The following CSTF1 variants were observed in gnomAD, a reference collection of about 807,000 sequenced individuals.
CSTF1 encodes cleavage stimulation factor subunit 1.
A neutral mutation model predicts 40.9 loss-of-function variants in CSTF1; 2 were observed. The observed-to-expected ratio is 0.05, with a 90% CI of 0.02 to 0.15. CSTF1 has a LOEUF of 0.15. Among genes scored for constraint, CSTF1 ranks in the 10% least tolerant of loss-of-function variants. The pLI is 1.00. For missense variants in CSTF1, 279 were observed against 558.9 expected, an observed-to-expected ratio of 0.50 and a Z score of 5.05; for synonymous variants, 218 against 207.2, an observed-to-expected ratio of 1.05 and a Z score of -0.45.
chr20:56,401,372 G>A, intron 5 of CSTF1, among the ~76,000 whole-genome samples: 1 of 152,102 alleles, frequency 6.6e-6, no homozygotes, highest in East Asian at 1.9e-4. Context: ...ATGAATATGG[G>A]GACCTGGTTT....
chr20:56,403,984 G>T lies in CSTF1; in HGVS notation c.*257G>T. The T allele has an allele frequency of 2.5e-6, 1 of 401,742 alleles. No homozygotes were observed. Among genetic ancestry groups the T allele is most frequent in the Non-Finnish European group, 4.5e-6 (1 of 223,186 alleles). The allele number at this position is 401,742 out of a possible 1,614,324, so 24.9% of individuals were successfully genotyped here. On this transcript the variant is annotated 3_prime_UTR_variant, in exon 6 of 6. Coordinates refer to ENST00000217109, the MANE Select transcript of CSTF1 (RefSeq NM_001324.3). The stretch of plus-strand genomic sequence containing the variant: ...GATTTTCATCGGTTTTGTAAGTACA[G>T]GACTTGCCGTTTCTTTTGATCTCTT...
At position 56,403,756 on chromosome 20, in the gene CSTF1, A is replaced by G. The variant is rs372870703; in HGVS notation, c.*29A>G. On this transcript the variant is annotated 3_prime_UTR_variant, in exon 6 of 6. Transcript: ENST00000217109. ...ACCCTCTCCGTAGGGTTCTTTCTCGAGGACTCTACCCTCCTCCCCCACGTC... is the reference window on the plus strand; with the variant it reads ...ACCCTCTCCGTAGGGTTCTTTCTCGGGGACTCTACCCTCCTCCCCCACGTC... 26 of 1,588,796 alleles carry G rather than the reference A, an allele frequency of 1.6e-5. No homozygotes were observed. In the African/African-American group the frequency reaches 3.1e-4, roughly 19 times the overall value.
rs771856540 is a variant in CSTF1, at chr20:56,398,989, T to C, written c.668T>C (p.Ile223Thr). The change falls in exon 5 of 6, where the codon ATC becomes ACC. Residue 223 changes from isoleucine (I) to threonine (T), a missense_variant. Physicochemically the swap from Ile to Thr is moderately conservative, Grantham distance 89. Coordinates refer to ENST00000217109, the MANE Select transcript of CSTF1 (RefSeq NM_001324.3). ...YIQEAEMLRS[I>T]SFHPSGDFIL... ...CAGGAAGCTGAAATGTTACGTTCCA[T>C]CTCTTTTCATCCTTCTGGAGACTTT... 2.5e-6 allele frequency: 4 copies of C among 1,610,838 alleles called. No individual in the cohort carries two copies. In the East Asian group the frequency reaches 8.9e-5, roughly 36 times the overall value.
Position 56,397,613 on chromosome 20 carries a change from G to A in CSTF1, c.448-31G>A. On this transcript the variant is annotated intron_variant, in intron 3 of 5. Coordinates refer to ENST00000217109, the MANE Select transcript of CSTF1 (RefSeq NM_001324.3). The surrounding 1 kb of genome is among the most constrained non-coding windows in gnomAD (Gnocchi z 4.4). Reference sequence around the variant, plus strand: ...GTGCACTTGGATTCAGACACATTCTGTGCCTTGAGCATCTCTTCTTGTTGG... The same window carrying A: ...GTGCACTTGGATTCAGACACATTCTATGCCTTGAGCATCTCTTCTTGTTGG... The A allele has an allele frequency of 6.2e-7, 1 of 1,609,050 alleles. No homozygotes were observed. The highest frequency in any genetic ancestry group is 1.3e-5 in the African/African-American group (1 of 74,946).
Position 56,406,063 on chromosome 20 carries a change from C to T in CSTF1, c.*2336C>T, listed in dbSNP as rs918398852. 1 of 152,134 alleles carries T rather than the reference C, an allele frequency of 6.6e-6. No homozygotes were observed. Among genetic ancestry groups the T allele is most frequent in the Non-Finnish European group, 1.5e-5 (1 of 68,042 alleles). 9.4% of individuals were successfully genotyped at this position (152,134 alleles called of 1,614,324 possible). On this transcript the variant is annotated 3_prime_UTR_variant, in exon 6 of 6. Coordinates refer to ENST00000217109, the MANE Select transcript of CSTF1 (RefSeq NM_001324.3). ...GTTTCAGGACCTGTTTTTAAAAGAT[C>T]AAGATACTTTTATGTGTTTCAGAAG...
Position 56,403,769 on chromosome 20 carries a change from C to T in CSTF1, c.*42C>T, listed in dbSNP as rs1332711693. The T allele has an allele frequency of 1.3e-6, 2 of 1,567,352 alleles. No homozygotes were observed. Among genetic ancestry groups the T allele is most frequent in the Non-Finnish European group, 1.7e-6 (2 of 1,150,580 alleles). ...GGTTCTTTCTCGAGGACTCTACCCT[C>T]CTCCCCCACGTCCTGTCTCAGCTGC... On this transcript the variant is annotated 3_prime_UTR_variant, in exon 6 of 6. Transcript: ENST00000217109.
chr20:56,400,928 A>G (rs1978422029), intron 5 of CSTF1, among the ~76,000 whole-genome samples: 1 of 152,096 alleles, frequency 6.6e-6, no homozygotes, highest in Non-Finnish European at 1.5e-5. Context: ...AGTCCCAGCT[A>G]CTTGGGAGGC....
upstream of CSTF1, chr20:56,392,464 C>G (rs1393791478): frequency 3.9e-5 from 6 of 152,306 alleles, no homozygotes; most frequent in Non-Finnish European, 8.8e-5. Flanking sequence ...ATCGGTGAAG[C>G]AACAGCCCCT....
In CSTF1 at chr20:56,405,552, T is replaced by G. The variant is rs1978671869; in HGVS notation, c.*1825T>G. On this transcript the variant is annotated 3_prime_UTR_variant, in exon 6 of 6. Coordinates refer to ENST00000217109, the MANE Select transcript of CSTF1 (RefSeq NM_001324.3). The stretch of plus-strand genomic sequence containing the variant: ...GAAGTTATTGCGTAAACATTCTGTT[T>G]TAGTCATCCTTGAGGATCGTTTTAA... 1 of 152,242 alleles carries G rather than the reference T, an allele frequency of 6.6e-6. No individual in the cohort carries two copies. The highest frequency in any genetic ancestry group is 2.4e-5 in the African/African-American group (1 of 41,454). 9.4% of individuals were successfully genotyped at this position (152,242 alleles called of 1,614,324 possible).
At chr20:56,395,398 A>G in intron 1 of CSTF1, 123 bp from the exon 2 acceptor site, 2 of 589,318 alleles carry the variant, frequency 3.4e-6, no homozygotes, top group Non-Finnish European at 5.8e-6. Flanking sequence ...CTGACCAAAG[A>G]TAATGCAGCT....
chr20:56,403,431 G>A, intron 5 of CSTF1, 37 bp from the exon 6 acceptor site: 1 of 1,610,072 alleles, frequency 6.2e-7, no homozygotes, highest in Non-Finnish European at 8.5e-7. Context: ...TCTAAGATGT[G>A]GACTTAGAAA....
At position 56,397,933 on chromosome 20, in the gene CSTF1, C is replaced by G; in HGVS notation, c.645+92C>G. On this transcript the variant is annotated intron_variant, in intron 4 of 5. Transcript: ENST00000217109. The surrounding 1 kb of genome is among the most constrained non-coding windows in gnomAD (Gnocchi z 4.4). ...TCTTTTTAAAAGTAGTCTCAGTGATCATCCTGTAAGATGCGTACAGACCAG... is the reference window on the plus strand; with the variant it reads ...TCTTTTTAAAAGTAGTCTCAGTGATGATCCTGTAAGATGCGTACAGACCAG... 2 of 1,061,698 alleles carry G rather than the reference C, an allele frequency of 1.9e-6. No individual in the cohort carries two copies. Among genetic ancestry groups the G allele is most frequent in the South Asian group, 2.9e-5 (2 of 68,390 alleles). The allele number at this position is 1,061,698 out of a possible 1,614,324, so 65.8% of individuals were successfully genotyped here.
chr20:56,402,592 C>G (rs2146249261), intron 5 of CSTF1, among the ~76,000 whole-genome samples: 1 of 152,206 alleles, frequency 6.6e-6, no homozygotes, highest in East Asian at 1.9e-4. Context: ...AAAGGATGTT[C>G]ATTACAACAT....
rs1327957181 is a variant in CSTF1 at position 56,398,955 on chromosome 20, C to G, written c.646-12C>G. 8.8e-6 allele frequency: 14 copies of G among 1,583,076 alleles called. No individual in the cohort carries two copies. Among genetic ancestry groups the G allele is most frequent in the Non-Finnish European group, 8.6e-6 (10 of 1,163,200 alleles). ...CAGTTGGTCACTTGTATTAATGTCT[C>G]TGTCCCAACAGGAAGCTGAAATGTT... On this transcript the variant is annotated splice_polypyrimidine_tract_variant and intron_variant, in intron 4 of 5. Transcript: ENST00000217109.
intron 1 of CSTF1, among the ~76,000 whole-genome samples, chr20:56,395,285 T>A (rs1366092858): frequency 6.6e-6 from 1 of 152,170 alleles, no homozygotes; most frequent in African/African-American, 2.4e-5. Context: ...CTTGAACAAT[T>A]TCTGTATGCC....
rs1600725222 is a variant in CSTF1 at position 56,392,701 on chromosome 20, A to G, written c.-45A>G. 1 of 151,350 alleles carries G rather than the reference A, an allele frequency of 6.6e-6. No individual in the cohort carries two copies. Among genetic ancestry groups the G allele is most frequent in the Non-Finnish European group, 1.5e-5 (1 of 67,908 alleles). 9.4% of individuals were successfully genotyped at this position (151,350 alleles called of 1,614,324 possible). ...CAGGAGAGAGCGGGATACCAAGAGA[A>G]CCGGACCAGCTGGTACTGGGACACG... On this transcript the variant is annotated 5_prime_UTR_variant, in exon 1 of 6. Transcript: ENST00000217109.
intron 1 of CSTF1, among the ~76,000 whole-genome samples, chr20:56,393,117 A>AAAAT (rs1555858032): frequency 1.3e-5 from 2 of 148,212 alleles, no homozygotes; most frequent in Non-Finnish European, 3.0e-5. Context: ...GGCCACTTAA[A>AAAAT]ATATATATAT....
intron 1 of CSTF1, chr20:56,392,933 G>C (rs1987319925): frequency 1.3e-5 from 2 of 152,152 alleles, no homozygotes; most frequent in African/African-American, 4.8e-5. Flanking sequence ...TCTGCATCCA[G>C]ATGGTCGCGG....
intron 5 of CSTF1, among the ~76,000 whole-genome samples, chr20:56,403,170 TCTC>T (rs1239290629): frequency 1.3e-5 from 2 of 151,792 alleles, no homozygotes; most frequent in Non-Finnish European, 2.9e-5. Flanking sequence ...GATCTGGTGA[TCTC>T]CTTTTTTTTT....
Sources: allele counts gnomAD v4.1 joint callset (sites outside exome capture counted in the v4.1 genomes callset), GRCh38; gene constraint gnomAD v4.1.1; non-coding constraint Gnocchi (gnomAD v3.1); transcripts MANE v1.5; gene names NCBI Gene and HGNC (gene_info 2026-07-23, HGNC 2026-07-21).